NPC1: variants seen among roughly 807,000 people sequenced by gnomAD.
NPC1 encodes Niemann-Pick C1 protein.
Under a neutral mutation model 140.4 loss-of-function variants are expected in NPC1, and 85 were observed. The ratio of observed to expected loss-of-function variants is 0.61; its 90% CI spans 0.51 to 0.72. NPC1 has a LOEUF of 0.72. Ranked by LOEUF, NPC1 falls within the 30% of genes least tolerant of loss-of-function variation. The pLI, the probability that NPC1 is intolerant of heterozygous loss-of-function variation, is 0.00. For synonymous variants in NPC1, 656 were observed against 624.8 expected, an observed-to-expected ratio of 1.05 and a Z score of -0.74; for missense variants, 1,504 against 1,623.8, an observed-to-expected ratio of 0.93 and a Z score of 1.27.
rs2058599054 is a variant in NPC1, at chr18:23,534,652, G to GCAC, written c.3478-96_3478-94dup. 3.1e-6 allele frequency: 3 copies of GCAC among 974,862 alleles called. No individual in the cohort carries two copies. The South Asian group carries it at 4.1e-5, about 13-fold the overall frequency. 60.4% of individuals were successfully genotyped at this position (974,862 alleles called of 1,614,324 possible). ...TGAGGATGGGTGCTAATTACCCAGGGCACCCTGGGTGCTAGAGGAGGCCAA... is the reference window on the plus strand; with the variant it reads ...TGAGGATGGGTGCTAATTACCCAGGGCACCACCCTGGGTGCTAGAGGAGGCCAA... On this transcript the variant is annotated intron_variant, in intron 22 of 24. Transcript: ENST00000269228.
chr18:23,577,009 T>C (rs1415415256), intron 1 of NPC1: 1 of 152,236 alleles, frequency 6.6e-6, no homozygotes, highest in Non-Finnish European at 1.5e-5. Flanking sequence ...ATCCTGCTGA[T>C]TGGTAGAGCC....
chr18:23,561,433 G>A lies in NPC1; in HGVS notation c.558C>T (p.Ala186=). Residue 186 remains alanine, a synonymous_variant, in exon 5 of 25, where the codon GCC becomes GCT. Transcript: ENST00000269228. ...LCGKDADACN[A]TNWIEYMFNK... ...TGAACATGTATTCAATCCAGTTGGT[G>A]GCATTACAGGCGTCAGCGTCCTTCC... 1.2e-6 allele frequency: 2 copies of A among 1,614,166 alleles called. No individual in the cohort carries two copies. The highest frequency in any genetic ancestry group is 1.7e-6 in the Non-Finnish European group (2 of 1,179,990).
downstream of NPC1, chr18:23,528,058 T>C (rs778554143): frequency 1.7e-6 from 1 of 582,494 alleles, no homozygotes; most frequent in Non-Finnish European, 3.0e-6. Flanking sequence ...TGGGGGATAG[T>C]GGAGGAGTAG....
intron 3 of NPC1, among the ~76,000 whole-genome samples, chr18:23,514,889 A>G (rs1307855659): frequency 6.6e-6 from 1 of 152,194 alleles, no homozygotes; most frequent in East Asian, 1.9e-4. Flanking sequence ...GCAGTGTACC[A>G]TGAGCATTAA....
chr18:23,527,377 G>A (rs1181594066), downstream of NPC1, among the ~76,000 whole-genome samples: 2 of 151,818 alleles, frequency 1.3e-5, no homozygotes, highest in Non-Finnish European at 2.9e-5. Flanking sequence ...CAGCCTGGGC[G>A]ACAGAGCAAG....
intron 1 of NPC1, among the ~76,000 whole-genome samples, chr18:23,578,271 G>A (rs892891456): frequency 5.9e-5 from 9 of 152,230 alleles, no homozygotes; most frequent in Admixed American, 2.6e-4. Flanking sequence ...ATGCAGAAAC[G>A]AAGGCACTGA....
downstream of NPC1, chr18:23,531,300 T>G: frequency 4.2e-6 from 1 of 237,774 alleles, no homozygotes; most frequent in Non-Finnish European, 7.9e-6. Flanking sequence ...TGGTTGATCA[T>G]TCTCATCTCC....
chr18:23,525,811 A>G (rs1046672983), downstream of NPC1, among the ~76,000 whole-genome samples: 3 of 152,028 alleles, frequency 2.0e-5, no homozygotes, highest in Admixed American at 6.5e-5. Context: ...AGAATCTCCT[A>G]TGTTACTCTT....
intron 1 of NPC1, among the ~76,000 whole-genome samples, chr18:23,523,598 C>G (rs146021103): frequency 0.012 from 1,735 of 149,112 alleles, 39 homozygotes; most frequent in African/African-American, 0.041. Context: ...GGTCACATGC[C>G]TGTAGTCCTA....
At chr18:23,564,899 G>C (rs890228350) in intron 4 of NPC1, among the ~76,000 whole-genome samples, 1 of 152,124 alleles carries the variant, frequency 6.6e-6, no homozygotes, top group African/African-American at 2.4e-5. Flanking sequence ...TTGCATGTGT[G>C]TATCCAGTTA....
intron 4 of NPC1, among the ~76,000 whole-genome samples, chr18:23,562,661 GATTTGTGTCTTGTCTCT>G (rs2059060695): frequency 1.3e-5 from 2 of 151,948 alleles, no homozygotes; most frequent in Non-Finnish European, 1.5e-5. Context: ...GTCTTAAGGT[GATTTGTGTCTTGTCTCT>G]ATTTGCTTTT....
intron 1 of NPC1, among the ~76,000 whole-genome samples, chr18:23,580,242 G>C (rs1222143957): frequency 1.3e-5 from 2 of 152,128 alleles, no homozygotes; most frequent in Non-Finnish European, 2.9e-5. Flanking sequence ...TAAATAACAT[G>C]ATTTTGAACA....
downstream of NPC1, among the ~76,000 whole-genome samples, chr18:23,527,534 C>T (rs2058339422): frequency 6.6e-6 from 1 of 151,330 alleles, no homozygotes; most frequent in African/African-American, 2.4e-5. Flanking sequence ...TCTGCCTCGG[C>T]CTACCCAAAG....
chr18:23,543,772 C>T (rs1483526622), intron 13 of NPC1, among the ~76,000 whole-genome samples: 2 of 152,084 alleles, frequency 1.3e-5, no homozygotes, highest in Non-Finnish European at 2.9e-5. Flanking sequence ...AAGTGAGAAA[C>T]TAAAGGGAAA....
chr18:23,539,842 G>A lies in NPC1; in HGVS notation c.2764C>T (p.Gln922Ter), dbSNP rs786204641. ...MGCNNDSLVQ[Q>*]IFNAAQLDNY... The stretch of plus-strand genomic sequence containing the variant: ...TCCAGCTGCGCCGCGTTAAATATCT[G>A]CTGCACCAGGGAATCATTGTTGCAG... The change falls in exon 18 of 25, where the codon CAG becomes TAG. Residue 922 changes from glutamine (Q) to a stop codon, truncating the protein, a stop_gained. Transcript: ENST00000269228. LOFTEE classifies it high-confidence loss of function. 2 of 1,614,174 alleles carry A rather than the reference G, an allele frequency of 1.2e-6. No homozygotes were observed. The highest frequency in any genetic ancestry group is 1.7e-6 in the Non-Finnish European group (2 of 1,180,040).
At chr18:23,551,186 C>A (rs2058867035) in intron 10 of NPC1, among the ~76,000 whole-genome samples, 1 of 152,204 alleles carries the variant, frequency 6.6e-6, no homozygotes, top group Non-Finnish European at 1.5e-5. Context: ...ACTCAACTGA[C>A]TGGCTTAGAA....
chr18:23,551,364 G>A (rs2058869713), intron 10 of NPC1, among the ~76,000 whole-genome samples: 1 of 152,172 alleles, frequency 6.6e-6, no homozygotes, highest in Non-Finnish European at 1.5e-5. Context: ...GTTTGCAATT[G>A]CATTATTCTG....
At chr18:23,562,002 A>G (rs1229921573) in intron 4 of NPC1, among the ~76,000 whole-genome samples, 2 of 152,118 alleles carry the variant, frequency 1.3e-5, no homozygotes, top group Admixed American at 1.3e-4. Flanking sequence ...TAAACCTAAT[A>G]CTGTTGGCCG....
Position 23,531,512 on chromosome 18 carries a change from G to GTAT in NPC1, c.*687_*689dup. The GTAT allele has an allele frequency of 6.7e-7, 1 of 1,501,914 alleles. No individual in the cohort carries two copies. The allele number at this position is 1,501,914 out of a possible 1,614,324, so 93.0% of individuals were successfully genotyped here. A position where few individuals can be genotyped will look rare whatever the true frequency, so the allele number is the denominator to read the frequency against. ...TAACCCCAAAACTTAGGAAAACAAT[G>GTAT]TATTTTATTAAAGAAAAATAAGTTA... On this transcript the variant is annotated 3_prime_UTR_variant, in exon 25 of 25. Transcript: ENST00000269228.
Sources: gnomAD v4.1 joint callset for allele counts (sites outside exome capture counted in the v4.1 genomes callset) on GRCh38, gnomAD v4.1.1 for gene constraint, MANE v1.5 for transcripts, NCBI Gene and HGNC (gene_info 2026-07-23, HGNC 2026-07-21) for gene names.